The following PSMD12 variants were observed in gnomAD, a reference collection of about 807,000 sequenced individuals.
The protein encoded by PSMD12 is proteasome 26S subunit, non-ATPase 12, also known as 26S proteasome non-ATPase regulatory subunit 12.
PSMD12 carries 8 observed loss-of-function variants against 62.9 expected under a neutral mutation model. That is an observed-to-expected ratio of 0.13 (90% CI 0.07 to 0.23). The LOEUF is 0.23. Among genes scored for constraint, PSMD12 ranks in the 10% least tolerant of loss-of-function variants. The pLI is 1.00. For synonymous variants in PSMD12, 173 were observed against 187.4 expected (o/e 0.92, Z 0.63); for missense variants, 424 against 550.2 (o/e 0.77, Z 2.29).
intron 1 of PSMD12, among the ~76,000 whole-genome samples, chr17:67,360,364 A>G (rs1052787220): frequency 6.6e-6 from 1 of 152,206 alleles, no homozygotes; most frequent in Non-Finnish European, 1.5e-5. Flanking sequence ...GTATCAACAA[A>G]ACATTAAACG....
At chr17:67,341,295 C>A (rs1189306802) in intron 10 of PSMD12, among the ~76,000 whole-genome samples, 1 of 151,402 alleles carries the variant, frequency 6.6e-6, no homozygotes, top group African/African-American at 2.4e-5. Flanking sequence ...ATGGTGAAAC[C>A]CCATCTCTAC....
intron 10 of PSMD12, among the ~76,000 whole-genome samples, chr17:67,341,973 T>C (rs768997930): frequency 4.6e-5 from 7 of 152,214 alleles, no homozygotes; most frequent in East Asian, 1.9e-4. Flanking sequence ...TTTGTCAACA[T>C]AGAAACATGG....
At chr17:67,361,254 T>C (rs2042125244) in intron 1 of PSMD12, 1 of 152,224 alleles carries the variant, frequency 6.6e-6, no homozygotes, top group African/African-American at 2.4e-5. Context: ...AATGATTTGT[T>C]ACACAACCTA....
At position 67,357,928 on chromosome 17, in the gene PSMD12, C is replaced by CTT. The variant is rs34021817; in HGVS notation, c.109-352_109-351dup. The stretch of plus-strand genomic sequence containing the variant: ...TGTGGTAACACCTGTTTATCTTGTT[C>CTT]TTTTTTTTTTTGAGACAGAGTCTCA... On this transcript the variant is annotated intron_variant, in intron 1 of 10. Coordinates refer to ENST00000356126, the MANE Select transcript of PSMD12 (RefSeq NM_002816.5). Among the ~76,000 whole-genome samples, 62 of 148,894 alleles carry CTT rather than the reference C, an allele frequency of 4.2e-4. No individual in the cohort carries two copies. In the South Asian group the frequency reaches 7.0e-3, roughly 17 times the overall value.
rs2041894983 is a variant in PSMD12 at position 67,339,879 on chromosome 17, G to A, written c.*964C>T. On this transcript the variant is annotated 3_prime_UTR_variant, in exon 11 of 11. Transcript: ENST00000356126. ...TACTACACCACTTACTATGAGGGTG[G>A]CCTGACGTCTTTTTGCCATTTTTTT... The A allele has an allele frequency of 6.6e-6, 1 of 151,606 alleles. No individual in the cohort carries two copies. The allele number at this position is 151,606 out of a possible 1,614,324, so 9.4% of individuals were successfully genotyped here.
At chr17:67,363,191 G>C (rs528255177) in intron 1 of PSMD12, among the ~76,000 whole-genome samples, 1 of 151,690 alleles carries the variant, frequency 6.6e-6, no homozygotes, top group South Asian at 2.1e-4. Flanking sequence ...TCACTCTGTT[G>C]CCCAGGGTTC....
intron 8 of PSMD12, 73 bp downstream of exon 8, chr17:67,345,672 C>T: frequency 3.1e-6 from 4 of 1,297,200 alleles, no homozygotes; most frequent in South Asian, 1.2e-5. Context: ...GAAGTATACA[C>T]TTAGGTTAGC....
intron 3 of PSMD12, among the ~76,000 whole-genome samples, chr17:67,350,858 G>A (rs1465494518): frequency 6.6e-6 from 1 of 152,058 alleles, no homozygotes; most frequent in Non-Finnish European, 1.5e-5. Context: ...TATGATCCAG[G>A]TCACAAATCA....
chr17:67,339,961 TAC>T lies in PSMD12; in HGVS notation c.*880_*881del, dbSNP rs1337620474. ...TTCATATAATGGAACTAAAAGTTCC[TAC>T]AGAGATAATGAATTTGGAACAATAA... On this transcript the variant is annotated 3_prime_UTR_variant, in exon 11 of 11. Coordinates refer to ENST00000356126, the MANE Select transcript of PSMD12 (RefSeq NM_002816.5). 6.6e-6 allele frequency: 1 copy of T among 151,772 alleles called. No homozygotes were observed. The highest frequency in any genetic ancestry group is 2.4e-5 in the African/African-American group (1 of 41,358). The allele number at this position is 151,772 out of a possible 1,614,324, so 9.4% of individuals were successfully genotyped here.
At chr17:67,363,879 G>A (rs774547340) in intron 1 of PSMD12, among the ~76,000 whole-genome samples, 29 of 151,990 alleles carry the variant, frequency 1.9e-4, no homozygotes, top group South Asian at 4.2e-4. Flanking sequence ...GTAAAACCCC[G>A]TCTCTACTAA....
At position 67,357,405 on chromosome 17, in the gene PSMD12, A is replaced by G; in HGVS notation, c.195T>C (p.Arg65=). The G allele has an allele frequency of 1.2e-6, 2 of 1,613,668 alleles. No individual in the cohort carries two copies. The highest frequency in any genetic ancestry group is 1.7e-6 in the Non-Finnish European group (2 of 1,179,584). Residue 65 remains arginine (R), a synonymous_variant, in exon 3 of 11, where the codon CGT becomes CGC. Coordinates refer to ENST00000356126, the MANE Select transcript of PSMD12 (RefSeq NM_002816.5). ...RTASDMVSTS[R]ILVAVVKMCY... is the part of the protein sequence containing the mutation. ...ACATCTTCACTACTGCAACTAAGAT[A>G]CGGGATGTCGATACCATATCGGAAG...
intron 1 of PSMD12, among the ~76,000 whole-genome samples, chr17:67,361,920 AAGGG>A (rs1170715145): frequency 1.6e-4 from 19 of 116,300 alleles, no homozygotes; most frequent in South Asian, 3.2e-4. Context: ...GGAAGGAAGG[AAGGG>A]AGGGAGGGAG....
intron 4 of PSMD12, among the ~76,000 whole-genome samples, chr17:67,349,826 C>A (rs1044994459): frequency 6.6e-6 from 1 of 152,166 alleles, no homozygotes; most frequent in Non-Finnish European, 1.5e-5. Flanking sequence ...CTTGCTTACC[C>A]TATTTTCAAT....
chr17:67,350,026 A>G (rs980644009), intron 4 of PSMD12, among the ~76,000 whole-genome samples: 2 of 152,214 alleles, frequency 1.3e-5, no homozygotes, highest in Non-Finnish European at 2.9e-5. Context: ...ATCTAGATAT[A>G]CCATGGCTGT....
intron 3 of PSMD12, 72 bp downstream of exon 3, chr17:67,357,230 TA>T: frequency 6.7e-7 from 1 of 1,502,838 alleles, no homozygotes; most frequent in South Asian, 1.3e-5. Flanking sequence ...TAAACAGACT[TA>T]TAGAAGAGCT....
intron 4 of PSMD12, 56 bp from the exon 5 acceptor site, chr17:67,348,710 A>C: frequency 6.6e-7 from 1 of 1,507,346 alleles, no homozygotes; most frequent in Non-Finnish European, 9.1e-7. Flanking sequence ...TAAAATTTAA[A>C]AAGTAGGCTG....
chr17:67,341,084 C>T (rs1567950995), intron 10 of PSMD12, 32 bp from the exon 11 acceptor site: 3 of 1,470,116 alleles, frequency 2.0e-6, no homozygotes, highest in Non-Finnish European at 2.7e-6. Flanking sequence ...TGGATTAAGA[C>T]AGGATAAATT....
At chr17:67,356,468 G>A (rs1342054001) in intron 3 of PSMD12, among the ~76,000 whole-genome samples, 3 of 138,456 alleles carry the variant, frequency 2.2e-5, no homozygotes, top group Non-Finnish European at 3.1e-5. Context: ...TGAGGCAGGA[G>A]AATGGCGTGA....
At chr17:67,360,694 T>A (rs1408031268) in intron 1 of PSMD12, among the ~76,000 whole-genome samples, 2 of 152,232 alleles carry the variant, frequency 1.3e-5, no homozygotes, top group African/African-American at 4.8e-5. Context: ...TCCTAAGTGG[T>A]CTACAAGTTC....
Sources: gnomAD v4.1 joint callset for allele counts (sites outside exome capture counted in the v4.1 genomes callset) on GRCh38, gnomAD v4.1.1 for gene constraint, MANE v1.5 for transcripts, NCBI Gene and HGNC (gene_info 2026-07-23, HGNC 2026-07-21) for gene names.